GPM6A: variants seen among roughly 807,000 people sequenced by gnomAD.
GPM6A encodes glycoprotein M6A, also known as neuronal membrane glycoprotein M6-a.
GPM6A carries 7 observed loss-of-function variants against 32.1 expected under a neutral mutation model. That is an observed-to-expected ratio of 0.22 (90% CI 0.12 to 0.41). The LOEUF (loss-of-function observed/expected upper bound fraction) is 0.41. Among genes scored for constraint, GPM6A ranks in the 10% least tolerant of loss-of-function variants. GPM6A has a pLI of 1.00. For missense variants in GPM6A, 235 were observed against 347.2 expected (o/e 0.68, Z 2.57); for synonymous variants, 130 against 123.4 (o/e 1.05, Z -0.35).
intron 1 of GPM6A, among the ~76,000 whole-genome samples, chr4:175,870,102 G>C (rs1177549357): frequency 6.6e-6 from 1 of 152,152 alleles, no homozygotes; most frequent in African/African-American, 2.4e-5. Context: ...TGCCATAGTA[G>C]TATAGTGTGA....
At chr4:175,658,429 G>T (rs1742212031) in intron 3 of GPM6A, among the ~76,000 whole-genome samples, 1 of 152,094 alleles carries the variant, frequency 6.6e-6, no homozygotes, top group South Asian at 2.1e-4. Context: ...GGGGTGAGAG[G>T]GCTGAATAGG....
At chr4:175,659,177 G>A (rs1742258138) in intron 3 of GPM6A, among the ~76,000 whole-genome samples, 1 of 151,110 alleles carries the variant, frequency 6.6e-6, no homozygotes, top group African/African-American at 2.4e-5. Context: ...CCTCCTCCCG[G>A]GTTCAAGCGA....
At chr4:175,952,267 CAAGTT>C (rs1483060622) in intron 1 of GPM6A, among the ~76,000 whole-genome samples, 1 of 152,228 alleles carries the variant, frequency 6.6e-6, no homozygotes, top group East Asian at 1.9e-4. Context: ...TTGAAATATT[CAAGTT>C]AAGATACTAT....
At chr4:175,891,168 T>G (rs1737636975) in intron 1 of GPM6A, among the ~76,000 whole-genome samples, 1 of 152,066 alleles carries the variant, frequency 6.6e-6, no homozygotes. Context: ...TAGGCCAAAA[T>G]AAAAACAAGT....
At chr4:175,826,309 C>T (rs1195397640) in intron 1 of GPM6A, among the ~76,000 whole-genome samples, 4 of 149,922 alleles carry the variant, frequency 2.7e-5, no homozygotes, top group African/African-American at 9.8e-5. Context: ...CTCTCTCCCC[C>T]TCCTCCCCTG....
rs1394430826 is a variant in GPM6A, at chr4:175,776,145, C to CT, written c.37+36045dup. ...GAGATAACACATCGATGAGCAAAGA[C>CT]TTTTTCAAAAAGAGATCTATGGCAA... On this transcript the variant is annotated intron_variant, in intron 1 of 6. Transcript: ENST00000393658. Among the ~76,000 whole-genome samples the CT allele has an allele frequency of 3.3e-5, 5 of 151,990 alleles. No homozygotes were observed. In the South Asian group the frequency reaches 6.2e-4, roughly 19 times the overall value.
At chr4:175,669,259 C>T (rs1042714310) in intron 3 of GPM6A, among the ~76,000 whole-genome samples, 2 of 152,050 alleles carry the variant, frequency 1.3e-5, no homozygotes, top group African/African-American at 2.4e-5. Context: ...CAGAGTATGT[C>T]TTAAAAATAC....
chr4:175,652,523 G>C (rs1741866360), intron 3 of GPM6A, among the ~76,000 whole-genome samples: 1 of 151,548 alleles, frequency 6.6e-6, no homozygotes, highest in Non-Finnish European at 1.5e-5. Context: ...ATAAACTTAA[G>C]TCTGTTTTGT....
chr4:175,794,016 C>T (rs1312288727), intron 1 of GPM6A, among the ~76,000 whole-genome samples: 1 of 151,414 alleles, frequency 6.6e-6, no homozygotes, highest in Non-Finnish European at 1.5e-5. Flanking sequence ...ACTTTTTAAC[C>T]TTTGTCAATT....
intron 1 of GPM6A, among the ~76,000 whole-genome samples, chr4:175,999,682 C>A (rs1741415118): frequency 1.3e-5 from 2 of 151,994 alleles, no homozygotes; most frequent in South Asian, 4.2e-4. Flanking sequence ...TACATTCATC[C>A]CCAGAACACT....
chr4:175,687,256 G>A (rs1315444719), intron 2 of GPM6A, among the ~76,000 whole-genome samples: 11 of 151,988 alleles, frequency 7.2e-5, no homozygotes, highest in Admixed American at 7.2e-4. Context: ...AGCACAACGT[G>A]GTATAGCAGA....
chr4:175,968,771 CAAT>C (rs1304490955), intron 1 of GPM6A, among the ~76,000 whole-genome samples: 7 of 152,124 alleles, frequency 4.6e-5, no homozygotes, highest in Non-Finnish European at 8.8e-5. Context: ...AAAACACTGA[CAAT>C]ATCAGATGCT....
intron 1 of GPM6A, among the ~76,000 whole-genome samples, chr4:175,826,953 C>T (rs982400290): frequency 6.6e-6 from 1 of 152,118 alleles, no homozygotes; most frequent in African/African-American, 2.4e-5. Flanking sequence ...TTATCTACTT[C>T]CTCAAATACA....
intron 1 of GPM6A, among the ~76,000 whole-genome samples, chr4:175,702,440 T>C (rs1744932681): frequency 6.6e-6 from 1 of 152,218 alleles, no homozygotes; most frequent in Non-Finnish European, 1.5e-5. Flanking sequence ...GTAAGTGTGT[T>C]TTTGTACCCA....
chr4:175,855,189 T>C (rs1736380459), intron 1 of GPM6A, among the ~76,000 whole-genome samples: 1 of 152,064 alleles, frequency 6.6e-6, no homozygotes. Flanking sequence ...TACAATGAAG[T>C]AGGAAAATAT....
At chr4:175,666,942 G>A (rs906556977) in intron 3 of GPM6A, among the ~76,000 whole-genome samples, 2 of 152,120 alleles carry the variant, frequency 1.3e-5, no homozygotes, top group African/African-American at 4.8e-5. Context: ...TTAAACTATA[G>A]TATATTTGTA....
At chr4:175,924,124 C>A (rs1168311355) in intron 1 of GPM6A, among the ~76,000 whole-genome samples, 1 of 152,116 alleles carries the variant, frequency 6.6e-6, no homozygotes, top group East Asian at 1.9e-4. Context: ...TCTGACACGA[C>A]CATATTAGTA....
At chr4:175,972,395 TA>T (rs1452470291) in intron 1 of GPM6A, among the ~76,000 whole-genome samples, 2 of 152,182 alleles carry the variant, frequency 1.3e-5, no homozygotes, top group Non-Finnish European at 2.9e-5. Context: ...GACTTATAGA[TA>T]AAAACAACAA....
chr4:175,853,483 AATT>A (rs1248807055), intron 1 of GPM6A, among the ~76,000 whole-genome samples: 3 of 147,534 alleles, frequency 2.0e-5, no homozygotes, highest in Non-Finnish European at 4.5e-5. Flanking sequence ...ATCAGACAAT[AATT>A]GGGAATTCAA....
Sources: gnomAD v4.1 joint callset for allele counts (sites outside exome capture counted in the v4.1 genomes callset) on GRCh38, gnomAD v4.1.1 for gene constraint, MANE v1.5 for transcripts, NCBI Gene and HGNC (gene_info 2026-07-23, HGNC 2026-07-21) for gene names.